MIPOL1: variants seen among roughly 807,000 people sequenced by gnomAD.
MIPOL1 encodes the protein mirror-image polydactyly 1, also known as mirror-image polydactyly gene 1 protein.
MIPOL1 carries 57 observed loss-of-function variants against 60.9 expected under a neutral mutation model. That is an observed-to-expected ratio of 0.94 (90% CI 0.76 to 1.17). MIPOL1 has a LOEUF of 1.17. Among genes scored for constraint, MIPOL1 ranks in the 50% most tolerant of loss-of-function variants. The pLI is 0.00. For missense variants in MIPOL1, 551 were observed against 511.6 expected (o/e 1.08, Z -0.74); for synonymous variants, 179 against 168.8 (o/e 1.06, Z -0.47).
chr14:37,287,116 CTACAAAATG>C (rs1353481091), intron 7 of MIPOL1, among the ~76,000 whole-genome samples: 1 of 151,812 alleles, frequency 6.6e-6, no homozygotes, highest in Non-Finnish European at 1.5e-5. Context: ...TTTTTTTGGT[CTACAAAATG>C]TATATAATAG....
At chr14:37,511,065 T>C (rs1466072778) in intron 12 of MIPOL1, among the ~76,000 whole-genome samples, 2 of 152,194 alleles carry the variant, frequency 1.3e-5, no homozygotes, top group Non-Finnish European at 2.9e-5. Flanking sequence ...GAATTATAAA[T>C]TTATTTTCTT....
intron 3 of MIPOL1, among the ~76,000 whole-genome samples, chr14:37,248,342 A>G (rs950201906): frequency 6.6e-6 from 1 of 152,086 alleles, no homozygotes; most frequent in African/African-American, 2.4e-5. Context: ...AGGGAAACAC[A>G]TAGAGGCACT....
chr14:37,339,707 A>G (rs928744754), intron 9 of MIPOL1, among the ~76,000 whole-genome samples: 2 of 152,218 alleles, frequency 1.3e-5, no homozygotes, highest in African/African-American at 4.8e-5. Flanking sequence ...AATCTGTAAT[A>G]CATATGTTGA....
At chr14:37,225,955 A>G (rs1176061434) in intron 1 of MIPOL1, among the ~76,000 whole-genome samples, 1 of 152,148 alleles carries the variant, frequency 6.6e-6, no homozygotes, top group African/African-American at 2.4e-5. Context: ...AAGTTCCACA[A>G]ATCTCTAGGG....
At chr14:37,452,279 G>A (rs1045527323) in intron 11 of MIPOL1, among the ~76,000 whole-genome samples, 1 of 152,128 alleles carries the variant, frequency 6.6e-6, no homozygotes, top group Non-Finnish European at 1.5e-5. Flanking sequence ...TTTAAATGTT[G>A]CATTTATTAA....
intron 10 of MIPOL1, among the ~76,000 whole-genome samples, chr14:37,373,791 G>A (rs1435753914): frequency 6.6e-6 from 1 of 152,118 alleles, no homozygotes; most frequent in Non-Finnish European, 1.5e-5. Flanking sequence ...ATCATTGATG[G>A]GCATTTGGGT....
At chr14:37,537,384 C>T (rs1182589725) in intron 12 of MIPOL1, among the ~76,000 whole-genome samples, 1 of 152,132 alleles carries the variant, frequency 6.6e-6, no homozygotes, top group Non-Finnish European at 1.5e-5. Flanking sequence ...TGGCTTTCTA[C>T]ATCCCTGCTA....
chr14:37,292,685 T>C (rs889175085), intron 7 of MIPOL1, among the ~76,000 whole-genome samples: 1 of 151,916 alleles, frequency 6.6e-6, no homozygotes, highest in African/African-American at 2.4e-5. Flanking sequence ...TTCGCCATGT[T>C]GACCAGGCTG....
intron 11 of MIPOL1, among the ~76,000 whole-genome samples, chr14:37,448,945 TAAGTTC>T (rs772183276): frequency 3.9e-5 from 6 of 152,204 alleles, no homozygotes; most frequent in Non-Finnish European, 8.8e-5. Context: ...TCTTCAAGTT[TAAGTTC>T]TTCAGGTATT....
intron 10 of MIPOL1, among the ~76,000 whole-genome samples, chr14:37,407,150 T>C (rs1045899585): frequency 5.3e-5 from 8 of 152,164 alleles, no homozygotes; most frequent in Non-Finnish European, 8.8e-5. Context: ...TAAATGATAG[T>C]AAATGGACAA....
intron 10 of MIPOL1, among the ~76,000 whole-genome samples, chr14:37,372,648 A>G (rs531389472): frequency 1.1e-4 from 16 of 151,874 alleles, no homozygotes; most frequent in African/African-American, 3.9e-4. Flanking sequence ...CTAGCTACTC[A>G]GGAGACTGAG....
intron 9 of MIPOL1, among the ~76,000 whole-genome samples, chr14:37,354,210 A>G (rs1478162115): frequency 6.6e-6 from 1 of 151,266 alleles, no homozygotes; most frequent in African/African-American, 2.4e-5. Flanking sequence ...CATGTAGTTG[A>G]GCAGTTTTGA....
intron 1 of MIPOL1, among the ~76,000 whole-genome samples, chr14:37,234,710 TTC>T (rs1444810109): frequency 6.6e-6 from 1 of 152,010 alleles, no homozygotes; most frequent in Non-Finnish European, 1.5e-5. Context: ...TAGGCTTCCA[TTC>T]TAGTTACTAC....
chr14:37,271,196 C>T (rs1482947646), intron 6 of MIPOL1, among the ~76,000 whole-genome samples: 6 of 152,020 alleles, frequency 3.9e-5, no homozygotes, highest in African/African-American at 1.4e-4. Flanking sequence ...AGTCTATGAT[C>T]TCCATCTGTG....
intron 10 of MIPOL1, among the ~76,000 whole-genome samples, chr14:37,392,156 G>A (rs1418674477): frequency 6.6e-6 from 1 of 152,030 alleles, no homozygotes; most frequent in Non-Finnish European, 1.5e-5. Flanking sequence ...TTGGGCTTTT[G>A]ATAGGAGAAA....
intron 3 of MIPOL1, among the ~76,000 whole-genome samples, chr14:37,253,469 C>G (rs1364686486): frequency 6.6e-6 from 1 of 151,646 alleles, no homozygotes; most frequent in Non-Finnish European, 1.5e-5. Flanking sequence ...CAGAGTAATT[C>G]TTTCCACCAG....
rs78623306 is a variant in MIPOL1, at chr14:37,250,267, G to T, written c.19+2360G>T. 5.2e-3 allele frequency among the ~76,000 whole-genome samples: 788 copies of T among 152,218 alleles called. 8 individuals are homozygous for T. Among genetic ancestry groups the T allele is most frequent in the African/African-American group, 0.018 (768 of 41,540 alleles). On this transcript the variant is annotated intron_variant, in intron 3 of 12. Coordinates refer to ENST00000684589, the MANE Select transcript of MIPOL1 (RefSeq NM_001388067.1). ...ATTATTAAACATTATTAGGAAAAAG[G>T]TCAGATGCGGTGGCTTATGCCTGTA...
intron 10 of MIPOL1, among the ~76,000 whole-genome samples, chr14:37,387,535 C>T (rs947538658): frequency 6.6e-6 from 1 of 151,880 alleles, no homozygotes; most frequent in African/African-American, 2.4e-5. Context: ...AAACCTGATA[C>T]AGTATTTCCA....
At chr14:37,493,567 A>G (rs939565055) in intron 11 of MIPOL1, among the ~76,000 whole-genome samples, 10 of 152,310 alleles carry the variant, frequency 6.6e-5, no homozygotes, top group Non-Finnish European at 1.0e-4. Context: ...AACAAAGGAG[A>G]TAATGTGCAG....
Sources: allele counts gnomAD v4.1 joint callset (sites outside exome capture counted in the v4.1 genomes callset), GRCh38; gene constraint gnomAD v4.1.1; transcripts MANE v1.5; gene names NCBI Gene and HGNC (gene_info 2026-07-23, HGNC 2026-07-21).